The following EBF1 variants were observed in gnomAD, a reference collection of about 807,000 sequenced individuals.
EBF1 encodes the protein transcription factor COE1.
EBF1 carries 10 observed loss-of-function variants against 68.4 expected under a neutral mutation model. The ratio of observed to expected loss-of-function variants is 0.15; its 90% CI spans 0.09 to 0.25. The LOEUF is 0.25. EBF1 is among the 10% of genes least tolerant of loss of function. The pLI, the probability that EBF1 is intolerant of heterozygous loss-of-function variation, is 1.00. For missense variants in EBF1, 509 were observed against 794.4 expected (o/e 0.64, Z 4.32); for synonymous variants, 298 against 299.8 (o/e 0.99, Z 0.06).
At chr5:158,770,682 G>A (rs1414124885) in intron 10 of EBF1, among the ~76,000 whole-genome samples, 1 of 151,962 alleles carries the variant, frequency 6.6e-6, no homozygotes, top group Non-Finnish European at 1.5e-5. Context: ...TGCTCCCTCT[G>A]CTGGAAGGCT....
chr5:158,969,550 G>A (rs1754907458), intron 6 of EBF1, among the ~76,000 whole-genome samples: 1 of 146,276 alleles, frequency 6.8e-6, no homozygotes, highest in African/African-American at 2.6e-5. Context: ...GATCACTTGA[G>A]CCCAGGAGTT....
chr5:158,895,017 T>G (rs547082050), intron 6 of EBF1, among the ~76,000 whole-genome samples: 44 of 152,208 alleles, frequency 2.9e-4, no homozygotes, highest in Non-Finnish European at 5.6e-4. Context: ...GAACATTAAA[T>G]AGGACAAAGA....
intron 8 of EBF1, among the ~76,000 whole-genome samples, chr5:158,810,852 C>A (rs1315976284): frequency 6.6e-6 from 1 of 152,052 alleles, no homozygotes; most frequent in Non-Finnish European, 1.5e-5. Context: ...TCTCTGGTTG[C>A]CCATGTTAGT....
intron 8 of EBF1, among the ~76,000 whole-genome samples, chr5:158,819,396 C>A (rs2127836563): frequency 6.6e-6 from 1 of 152,342 alleles, no homozygotes. Flanking sequence ...CGCATGCAAG[C>A]TGACAGGGGC....
intron 10 of EBF1, among the ~76,000 whole-genome samples, chr5:158,754,676 T>C (rs576121595): frequency 2.6e-4 from 40 of 152,230 alleles, no homozygotes; most frequent in Non-Finnish European, 4.4e-4. Context: ...TGATATCAGA[T>C]TGGATTTTTT....
intron 6 of EBF1, among the ~76,000 whole-genome samples, chr5:158,960,679 T>G (rs1818004720): frequency 6.6e-6 from 1 of 152,214 alleles, no homozygotes; most frequent in South Asian, 2.1e-4. Context: ...GTTAGTGACT[T>G]GCTCTTAACA....
At chr5:158,887,742 G>C (rs971892557) in intron 6 of EBF1, among the ~76,000 whole-genome samples, 23 of 152,074 alleles carry the variant, frequency 1.5e-4, no homozygotes, top group African/African-American at 5.6e-4. Flanking sequence ...CTTTAACCCA[G>C]TATTCTAGAA....
intron 6 of EBF1, among the ~76,000 whole-genome samples, chr5:159,034,251 C>T (rs1769560842): frequency 6.6e-6 from 1 of 152,114 alleles, no homozygotes; most frequent in Non-Finnish European, 1.5e-5. Flanking sequence ...AAGATACAGG[C>T]CTATTGTGCA....
At chr5:158,987,079 G>A (rs1349229614) in intron 6 of EBF1, 3 of 152,154 alleles carry the variant, frequency 2.0e-5, no homozygotes, top group Non-Finnish European at 4.4e-5. Context: ...ACAGATCTGA[G>A]AAATATGAGG....
intron 6 of EBF1, among the ~76,000 whole-genome samples, chr5:158,955,062 C>T (rs1379789950): frequency 1.3e-5 from 2 of 152,114 alleles, no homozygotes; most frequent in Non-Finnish European, 2.9e-5. Context: ...CAGTGGCTCA[C>T]GCCTGTAATC....
intron 10 of EBF1, among the ~76,000 whole-genome samples, chr5:158,746,839 G>A (rs764553012): frequency 9.9e-5 from 15 of 152,154 alleles, no homozygotes; most frequent in Admixed American, 2.0e-4. Flanking sequence ...AGCAGAGATC[G>A]GCTTGATAAA....
At chr5:158,767,566 T>A (rs1581707663) in intron 10 of EBF1, among the ~76,000 whole-genome samples, 1 of 135,150 alleles carries the variant, frequency 7.4e-6, no homozygotes. Context: ...TTTTTGGTGT[T>A]AAAAATAGGC....
intron 10 of EBF1, among the ~76,000 whole-genome samples, chr5:158,741,150 C>A (rs1175413131): frequency 1.3e-5 from 2 of 152,190 alleles, no homozygotes; most frequent in Admixed American, 6.5e-5. Context: ...CACAACTTTG[C>A]ACACCTCAGA....
intron 11 of EBF1, among the ~76,000 whole-genome samples, chr5:158,725,007 G>A (rs1762711142): frequency 6.6e-6 from 1 of 152,190 alleles, no homozygotes; most frequent in African/African-American, 2.4e-5. Flanking sequence ...TAAGGATGTT[G>A]CTGCCTACTT....
intron 6 of EBF1, among the ~76,000 whole-genome samples, chr5:158,995,090 G>A (rs572271100): frequency 3.3e-5 from 5 of 152,178 alleles, no homozygotes; most frequent in Admixed American, 6.5e-5. Flanking sequence ...GTCAAGCTTT[G>A]AGGAAAACTC....
intron 10 of EBF1, among the ~76,000 whole-genome samples, chr5:158,751,871 G>T (rs35793967): frequency 0.14 from 21,632 of 152,080 alleles, 1,701 homozygotes; most frequent in Admixed American, 0.17. Context: ...GTAAGTTGCT[G>T]AGGCAAGGGT....
At chr5:158,997,834 T>C (rs578077309) in intron 6 of EBF1, among the ~76,000 whole-genome samples, 2 of 152,326 alleles carry the variant, frequency 1.3e-5, no homozygotes, top group South Asian at 4.1e-4. Context: ...TCAACGCTCA[T>C]GTTCTTGCAG....
At chr5:158,919,501 G>A (rs1054050963) in intron 6 of EBF1, among the ~76,000 whole-genome samples, 25 of 152,250 alleles carry the variant, frequency 1.6e-4, no homozygotes, top group Admixed American at 2.6e-4. Flanking sequence ...AAATGAAAAA[G>A]CAGATCTCCC....
chr5:158,712,218 T>G lies in EBF1; in HGVS notation c.1485A>C (p.Ala495=), dbSNP rs554904637. 1.2e-6 allele frequency: 2 copies of G among 1,613,736 alleles called. No individual in the cohort carries two copies. The change falls in exon 14 of 16, where the codon GCA becomes GCC. Residue 495 remains alanine (A), a synonymous_variant. Transcript: ENST00000313708. ...TGGGGGAGCCGCCCAAATTGGACAT[T>G]GCGGCAGAGCCGTATCCGTTCATGC... ...TTSMNGYGSA[A]MSNLGGSPTF...
Sources: gnomAD v4.1 joint callset for allele counts (sites outside exome capture counted in the v4.1 genomes callset) on GRCh38, gnomAD v4.1.1 for gene constraint, MANE v1.5 for transcripts, NCBI Gene and HGNC (gene_info 2026-07-23, HGNC 2026-07-21) for gene names.